Variants in NRXN3 observed in about 807,000 individuals in gnomAD.
The protein encoded by NRXN3 is neurexin III.
Under a neutral mutation model 137.6 loss-of-function variants are expected in NRXN3, and 32 were observed. The observed-to-expected ratio is 0.23, with a 90% CI of 0.18 to 0.31. The LOEUF (loss-of-function observed/expected upper bound fraction) is 0.31, where lower values mean the gene tolerates loss of function less well. NRXN3 is among the 10% of genes least tolerant of loss of function. NRXN3 has a pLI of 1.00. For missense variants in NRXN3, 1,574 were observed against 2,062.5 expected (o/e 0.76, Z 4.59); for synonymous variants, 798 against 784.5 (o/e 1.02, Z -0.29).
Position 78,243,570 on chromosome 14 carries a change from T to A in NRXN3, c.477T>A (p.Ser159=), listed in dbSNP as rs753346417. Reference sequence around the variant, plus strand: ...GAGTCCCTACTGACATACGACCTTCTGCCCTGACCCTTGATGGAGTTCAGG... The same window carrying A: ...GAGTCCCTACTGACATACGACCTTCAGCCCTGACCCTTGATGGAGTTCAGG... ...LGGVPTDIRP[S]ALTLDGVQAM... Residue 159 remains serine, a synonymous_variant, in exon 2 of 21, where the codon TCT becomes TCA. Transcript: ENST00000335750. The surrounding 1 kb of genome is among the most constrained non-coding windows in gnomAD (Gnocchi z 4.2). The A allele has an allele frequency of 6.3e-7, 1 of 1,598,396 alleles. No homozygotes were observed. The highest frequency in any genetic ancestry group is 1.7e-5 in the Admixed American group (1 of 60,012).
chr14:79,051,731 G>A (rs1298072710), intron 15 of NRXN3, among the ~76,000 whole-genome samples: 1 of 152,220 alleles, frequency 6.6e-6, no homozygotes, highest in Non-Finnish European at 1.5e-5. Flanking sequence ...GTTTAAACTA[G>A]TAATTCTCAA....
intron 16 of NRXN3, among the ~76,000 whole-genome samples, chr14:79,602,327 A>T (rs181506542): frequency 6.6e-6 from 1 of 152,348 alleles, no homozygotes; most frequent in East Asian, 1.9e-4. Context: ...TAGCTCCAAG[A>T]GAGTTGCTCC....
At position 78,904,449 on chromosome 14, in the gene NRXN3, C is replaced by T. The variant is rs141330667; in HGVS notation, c.2276-52793C>T. Reference sequence around the variant, plus strand: ...AATTCATGACAATTGAGTTTATACACCAACCAGTCCTTAGCCTTTGCTGTT... The same window carrying T: ...AATTCATGACAATTGAGTTTATACATCAACCAGTCCTTAGCCTTTGCTGTT... On this transcript the variant is annotated intron_variant, in intron 10 of 20. Coordinates refer to ENST00000335750, the MANE Select transcript of NRXN3 (RefSeq NM_001330195.2). Among the ~76,000 whole-genome samples, 553 of 152,168 alleles carry T rather than the reference C, an allele frequency of 3.6e-3. 4 individuals are homozygous for T. The highest frequency in any genetic ancestry group is 0.013 in the African/African-American group (531 of 41,536).
intron 4 of NRXN3, among the ~76,000 whole-genome samples, chr14:78,505,751 G>A (rs990571708): frequency 6.6e-6 from 1 of 151,924 alleles, no homozygotes; most frequent in Non-Finnish European, 1.5e-5. Flanking sequence ...AAATATGGCT[G>A]TTTTCTCAGA....
In NRXN3 at chr14:79,643,470, AAT is replaced by A. The variant is rs1390216099; in HGVS notation, c.3445-20303_3445-20302del. 5.2e-4 allele frequency among the ~76,000 whole-genome samples: 70 copies of A among 135,258 alleles called. 18 individuals are homozygous for A. Among genetic ancestry groups the A allele is most frequent in the Non-Finnish European group, 1.7e-4 (10 of 58,160 alleles). 88.7% of individuals were successfully genotyped at this position (135,258 alleles called of 152,430 possible). On this transcript the variant is annotated intron_variant, in intron 16 of 20. Transcript: ENST00000335750. ...TCCCCAGCTGCTCAGAACATACTGAAATATATGTAAGATTTTGGGTTTTTTTT... is the reference window on the plus strand; with the variant it reads ...TCCCCAGCTGCTCAGAACATACTGAAATATGTAAGATTTTGGGTTTTTTTT...
At chr14:79,073,160 T>C (rs2099690398) in intron 15 of NRXN3, among the ~76,000 whole-genome samples, 4 of 152,170 alleles carry the variant, frequency 2.6e-5, no homozygotes, top group Admixed American at 2.6e-4. Flanking sequence ...GTGCTTGGAT[T>C]ACAGGCATGA....
At chr14:79,708,278 C>G (rs2098789236) in intron 19 of NRXN3, among the ~76,000 whole-genome samples, 1 of 152,022 alleles carries the variant, frequency 6.6e-6, no homozygotes, top group Admixed American at 6.6e-5. Context: ...TGTAAGTAAC[C>G]TAGAGATGAT....
At chr14:78,323,003 C>G (rs1485161414) in intron 4 of NRXN3, among the ~76,000 whole-genome samples, 2 of 144,870 alleles carry the variant, frequency 1.4e-5, no homozygotes. Flanking sequence ...TTATTTCTTA[C>G]TCCTTATGGC....
chr14:79,783,373 T>G (rs954803011), intron 19 of NRXN3, among the ~76,000 whole-genome samples: 2 of 152,192 alleles, frequency 1.3e-5, no homozygotes, highest in African/African-American at 2.4e-5. Context: ...TGTTACAGAT[T>G]GCTTTTTTAT....
chr14:78,427,904 T>G (rs991596219), intron 4 of NRXN3, among the ~76,000 whole-genome samples: 6 of 152,214 alleles, frequency 3.9e-5, no homozygotes, highest in Non-Finnish European at 7.3e-5. Context: ...CCTGATTTCT[T>G]GTCCTTTGGG....
At chr14:78,318,095 T>C (rs935626594) in intron 4 of NRXN3, among the ~76,000 whole-genome samples, 3 of 152,176 alleles carry the variant, frequency 2.0e-5, no homozygotes, top group Non-Finnish European at 4.4e-5. Flanking sequence ...GGGGTGTATA[T>C]TTTTCATCCT....
intron 15 of NRXN3, among the ~76,000 whole-genome samples, chr14:79,192,924 C>A (rs61442286): frequency 0.012 from 1,899 of 152,030 alleles, 38 homozygotes; most frequent in African/African-American, 0.042. Context: ...GCACCTGCCA[C>A]CACACCTGGC....
At chr14:79,295,890 C>G (rs143075532) in intron 15 of NRXN3, among the ~76,000 whole-genome samples, 1 of 152,086 alleles carries the variant, frequency 6.6e-6, no homozygotes, top group Non-Finnish European at 1.5e-5. Flanking sequence ...TTACTTTTTT[C>G]GCTATAGAAG....
At chr14:78,576,486 A>G (rs1388538235) in intron 4 of NRXN3, among the ~76,000 whole-genome samples, 1 of 152,168 alleles carries the variant, frequency 6.6e-6, no homozygotes. Flanking sequence ...GAAAACTACT[A>G]TTACTATTTT....
chr14:78,202,913 C>G (rs1013657149), intron 1 of NRXN3, among the ~76,000 whole-genome samples: 5 of 152,172 alleles, frequency 3.3e-5, no homozygotes, highest in African/African-American at 1.2e-4. Flanking sequence ...GGGGCAGAGC[C>G]ATTAGAACAC....
At chr14:79,405,944 C>G (rs2153503397) in intron 15 of NRXN3, among the ~76,000 whole-genome samples, 1 of 152,174 alleles carries the variant, frequency 6.6e-6, no homozygotes, top group Middle Eastern at 3.4e-3. Flanking sequence ...ATTCTGCCAG[C>G]CATTCAACAA....
intron 10 of NRXN3, among the ~76,000 whole-genome samples, chr14:78,916,393 G>T (rs1262412400): frequency 6.6e-6 from 1 of 152,164 alleles, no homozygotes; most frequent in East Asian, 1.9e-4. Flanking sequence ...TTGGTAGAAG[G>T]GATAACTACT....
intron 15 of NRXN3, among the ~76,000 whole-genome samples, chr14:79,439,297 T>A (rs1001894844): frequency 2.6e-5 from 4 of 152,254 alleles, no homozygotes; most frequent in African/African-American, 9.6e-5. Flanking sequence ...CATTAAATTT[T>A]GAGGTTTAAG....
chr14:79,316,797 A>T (rs564947798), intron 15 of NRXN3, among the ~76,000 whole-genome samples: 1 of 151,158 alleles, frequency 6.6e-6, no homozygotes, highest in East Asian at 1.9e-4. Flanking sequence ...TCCATTGTTT[A>T]GAGGGAATTT....
Sources: allele counts gnomAD v4.1 joint callset (sites outside exome capture counted in the v4.1 genomes callset), GRCh38; gene constraint gnomAD v4.1.1; non-coding constraint Gnocchi (gnomAD v3.1); transcripts MANE v1.5; gene names NCBI Gene and HGNC (gene_info 2026-07-23, HGNC 2026-07-21).